GRXCR1: variants seen among roughly 807,000 people sequenced by gnomAD.
GRXCR1 encodes the protein glutaredoxin domain-containing cysteine-rich protein 1.
Under a neutral mutation model 27.3 loss-of-function variants are expected in GRXCR1, and 27 were observed. The observed-to-expected ratio is 0.99, with a 90% CI of 0.73 to 1.37. GRXCR1 has a LOEUF of 1.37. Ranked by LOEUF, GRXCR1 falls within the 40% of genes most tolerant of loss-of-function variation. The pLI is 0.00. For missense variants in GRXCR1, 379 were observed against 354.4 expected, an observed-to-expected ratio of 1.07 and a Z score of -0.56; for synonymous variants, 122 against 131.1, an observed-to-expected ratio of 0.93 and a Z score of 0.47.
At chr4:42,947,482 T>C (rs1165658613) in intron 1 of GRXCR1, among the ~76,000 whole-genome samples, 4 of 152,202 alleles carry the variant, frequency 2.6e-5, no homozygotes. Context: ...TACATTCAAT[T>C]GACATAATGC....
intron 2 of GRXCR1, among the ~76,000 whole-genome samples, chr4:42,967,828 T>C (rs1461497820): frequency 6.6e-6 from 1 of 152,126 alleles, no homozygotes; most frequent in Non-Finnish European, 1.5e-5. Context: ...AGGGCCAGAA[T>C]AGTGTTTGGT....
intron 2 of GRXCR1, among the ~76,000 whole-genome samples, chr4:43,013,784 T>C (rs1463311797): frequency 6.6e-6 from 1 of 152,212 alleles, no homozygotes; most frequent in East Asian, 1.9e-4. Flanking sequence ...TTTTCTAGCC[T>C]AGTGACTTGA....
intron 1 of GRXCR1, among the ~76,000 whole-genome samples, chr4:42,934,359 TAATAAGAAAATAGA>T (rs1221666326): frequency 1.3e-5 from 2 of 151,754 alleles, no homozygotes; most frequent in Non-Finnish European, 2.9e-5. Flanking sequence ...AACAATTTTG[TAATAAGAAAATAGA>T]AATTCAGTTT....
chr4:42,943,547 C>G (rs1450937), intron 1 of GRXCR1, among the ~76,000 whole-genome samples: 98,047 of 151,856 alleles, frequency 0.65, 32,224 homozygotes, highest in African/African-American at 0.77. Context: ...TAAGCACCTC[C>G]TGTGGGTCTT....
chr4:42,901,255 C>G (rs1560641999), intron 1 of GRXCR1, among the ~76,000 whole-genome samples: 1 of 152,174 alleles, frequency 6.6e-6, no homozygotes, highest in Non-Finnish European at 1.5e-5. Context: ...TGAAACAAAT[C>G]AAATCACTAC....
At position 42,978,879 on chromosome 4, in the gene GRXCR1, C is replaced by T. The variant is rs563515752; in HGVS notation, c.627+15745C>T. Among the ~76,000 whole-genome samples, 181 of 152,064 alleles carry T rather than the reference C, an allele frequency of 1.2e-3. 1 individual carries two copies. Among genetic ancestry groups the T allele is most frequent in the African/African-American group, 4.1e-3 (170 of 41,500 alleles). On this transcript the variant is annotated intron_variant, in intron 2 of 3. Transcript: ENST00000399770. Reference sequence around the variant, plus strand: ...GTAATTTAATCATGGGGGCAGTTTCCCCCATGCTGTTTTTGTGATAGTGAG... The same window carrying T: ...GTAATTTAATCATGGGGGCAGTTTCTCCCATGCTGTTTTTGTGATAGTGAG...
chr4:42,951,201 C>T (rs370865411), intron 1 of GRXCR1, among the ~76,000 whole-genome samples: 1 of 152,322 alleles, frequency 6.6e-6, no homozygotes, highest in African/African-American at 2.4e-5. Context: ...GCAAATCCAA[C>T]CTTCCTCTGC....
intron 3 of GRXCR1, among the ~76,000 whole-genome samples, chr4:43,022,738 AG>A (rs1432690386): frequency 6.6e-6 from 1 of 152,218 alleles, no homozygotes; most frequent in African/African-American, 2.4e-5. Context: ...AAAGAGGATA[AG>A]GGATACAAAA....
intron 1 of GRXCR1, among the ~76,000 whole-genome samples, chr4:42,909,936 G>T (rs1476128612): frequency 6.6e-6 from 1 of 152,156 alleles, no homozygotes; most frequent in African/African-American, 2.4e-5. Flanking sequence ...CAATACAGAT[G>T]TGTATTAGTC....
At chr4:42,932,877 C>CTGAG (rs1747362655) in intron 1 of GRXCR1, among the ~76,000 whole-genome samples, 1 of 151,416 alleles carries the variant, frequency 6.6e-6, no homozygotes, top group African/African-American at 2.4e-5. Flanking sequence ...CTCCATTGAC[C>CTGAG]CTCATCCTAT....
At chr4:43,029,233 T>A (rs1017686801) in intron 3 of GRXCR1, among the ~76,000 whole-genome samples, 1 of 152,178 alleles carries the variant, frequency 6.6e-6, no homozygotes. Flanking sequence ...TTCTTTTAGG[T>A]TGAATATTTT....
intron 3 of GRXCR1, among the ~76,000 whole-genome samples, chr4:43,028,769 T>A (rs1713333040): frequency 6.6e-6 from 1 of 152,242 alleles, no homozygotes; most frequent in South Asian, 2.1e-4. Flanking sequence ...ATCCTTTTTT[T>A]AAGTCAATTC....
intron 1 of GRXCR1, among the ~76,000 whole-genome samples, chr4:42,927,180 G>T (rs1026360434): frequency 6.6e-6 from 1 of 152,012 alleles, no homozygotes; most frequent in African/African-American, 2.4e-5. Flanking sequence ...CAGGGAAGGG[G>T]TAGACCAGCT....
At chr4:42,987,219 A>ATT (rs1188590323) in intron 2 of GRXCR1, among the ~76,000 whole-genome samples, 1 of 46,988 alleles carries the variant, frequency 2.1e-5, no homozygotes, top group Non-Finnish European at 3.7e-5. Context: ...TATTATATAT[A>ATT]TATTATATAT....
intron 2 of GRXCR1, among the ~76,000 whole-genome samples, chr4:42,978,552 G>T (rs1398863426): frequency 1.3e-5 from 2 of 151,686 alleles, no homozygotes; most frequent in Admixed American, 1.3e-4. Context: ...CTTTATTTTT[G>T]TAACTTATAT....
intron 2 of GRXCR1, among the ~76,000 whole-genome samples, chr4:43,007,185 T>A (rs916642994): frequency 4.6e-5 from 7 of 152,224 alleles, no homozygotes; most frequent in Admixed American, 1.3e-4. Flanking sequence ...ACTTAAAGCA[T>A]TCCAATGAGG....
intron 2 of GRXCR1, among the ~76,000 whole-genome samples, chr4:42,968,075 T>C (rs901160355): frequency 2.0e-5 from 3 of 152,136 alleles, no homozygotes; most frequent in East Asian, 3.9e-4. Flanking sequence ...CCTCTACTTA[T>C]ATCCAGAGTT....
At chr4:42,932,322 G>C (rs994677176) in intron 1 of GRXCR1, among the ~76,000 whole-genome samples, 5 of 151,466 alleles carry the variant, frequency 3.3e-5, no homozygotes, top group Admixed American at 3.3e-4. Context: ...TTCAGTCCCT[G>C]GAATATATTT....
intron 2 of GRXCR1, among the ~76,000 whole-genome samples, chr4:42,970,250 G>A (rs1243347337): frequency 3.9e-5 from 6 of 152,150 alleles, no homozygotes; most frequent in Admixed American, 3.9e-4. Context: ...CAAGCTGTCA[G>A]TGGATCTATC....
Sources: gnomAD v4.1 joint callset for allele counts (sites outside exome capture counted in the v4.1 genomes callset) on GRCh38, gnomAD v4.1.1 for gene constraint, MANE v1.5 for transcripts, NCBI Gene and HGNC (gene_info 2026-07-23, HGNC 2026-07-21) for gene names.